NLGN4X: variants seen among roughly 807,000 people sequenced by gnomAD.
NLGN4X encodes the protein neuroligin-4, X-linked.
A neutral mutation model predicts 40.3 loss-of-function variants in NLGN4X; 3 were observed. The ratio of observed to expected loss-of-function variants is 0.07; its 90% CI spans 0.03 to 0.19. The LOEUF is 0.19. Ranked by LOEUF, NLGN4X falls within the 10% of genes least tolerant of loss-of-function variation. The pLI, the probability that NLGN4X is intolerant of heterozygous loss-of-function variation, is 1.00. For synonymous variants in NLGN4X, 270 were observed against 306.8 expected (o/e 0.88, Z 1.25); for missense variants, 382 against 708.3 (o/e 0.54, Z 5.23).
At chrX:5,997,456 T>C (rs1318595287) in intron 3 of NLGN4X, among the ~76,000 whole-genome samples, 2 of 105,187 alleles carry the variant, frequency 1.9e-5, no homozygotes, top group Non-Finnish European at 3.9e-5. Flanking sequence ...AAAAAAACAA[T>C]AGGTAGTATA....
intron 3 of NLGN4X, among the ~76,000 whole-genome samples, chrX:6,024,867 T>C (rs1461473169): frequency 9.0e-6 from 1 of 111,675 alleles, no homozygotes; most frequent in Admixed American, 9.5e-5. Context: ...GAAATAATCA[T>C]AAAAATAGCC....
chrX:6,204,552 G>A (rs1923878158), intron 1 of NLGN4X, among the ~76,000 whole-genome samples: 1 of 111,859 alleles, frequency 8.9e-6, no homozygotes. Context: ...CTCTGAACAG[G>A]AAGGAATAAA....
intron 4 of NLGN4X, 47 bp downstream of exon 4, chrX:5,909,006 TC>T (rs775926044): frequency 1.7e-6 from 2 of 1,183,716 alleles, no homozygotes; most frequent in East Asian, 5.9e-5. Flanking sequence ...ACCATTCATT[TC>T]TTGGTTCAGG....
chrX:6,128,425 C>T (rs72609526), intron 2 of NLGN4X, among the ~76,000 whole-genome samples: 9,860 of 111,654 alleles, frequency 0.088, 356 homozygotes, highest in East Asian at 0.18. Flanking sequence ...GTATATAATA[C>T]ACTCTGAATA....
At chrX:6,167,393 C>T (rs2040521949) in intron 1 of NLGN4X, among the ~76,000 whole-genome samples, 1 of 112,462 alleles carries the variant, frequency 8.9e-6, no homozygotes, top group Non-Finnish European at 1.9e-5. Context: ...AGCAACTGCA[C>T]ACATGGTCCT....
chrX:5,941,232 T>TGTG (rs2033937083), intron 3 of NLGN4X, among the ~76,000 whole-genome samples: 8 of 96,333 alleles, frequency 8.3e-5, no homozygotes, highest in Middle Eastern at 5.6e-3. Flanking sequence ...TGTGTGTGTG[T>TGTG]TGAAAGACAG....
At chrX:6,095,928 G>A (rs1013882792) in intron 2 of NLGN4X, among the ~76,000 whole-genome samples, 4 of 112,128 alleles carry the variant, frequency 3.6e-5, no homozygotes, top group African/African-American at 9.7e-5. Flanking sequence ...GTTTATAGCC[G>A]CTACATCTGA....
At chrX:6,210,343 T>A (rs1019472115) in intron 1 of NLGN4X, among the ~76,000 whole-genome samples, 5 of 109,751 alleles carry the variant, frequency 4.6e-5, no homozygotes, top group African/African-American at 1.7e-4. Context: ...ATCAGATCTG[T>A]ATCTCTGCCA....
intron 1 of NLGN4X, among the ~76,000 whole-genome samples, chrX:6,195,579 C>A (rs1451872784): frequency 8.9e-6 from 1 of 112,212 alleles, no homozygotes; most frequent in African/African-American, 3.2e-5. Context: ...TTAATATTAG[C>A]TCTTGAAATT....
At chrX:5,941,663 G>A (rs1265275028) in intron 3 of NLGN4X, among the ~76,000 whole-genome samples, 1 of 112,135 alleles carries the variant, frequency 8.9e-6, no homozygotes, top group African/African-American at 3.2e-5. Flanking sequence ...GTTGCCAAAT[G>A]GCTGATTTAT....
intron 2 of NLGN4X, among the ~76,000 whole-genome samples, chrX:6,047,755 G>A (rs1229297863): frequency 8.9e-6 from 1 of 111,773 alleles, no homozygotes; most frequent in Non-Finnish European, 1.9e-5. Flanking sequence ...GGAGGTATGT[G>A]TGCAGATTAT....
intron 3 of NLGN4X, among the ~76,000 whole-genome samples, chrX:5,917,309 A>C (rs886387031): frequency 1.8e-5 from 2 of 112,459 alleles, no homozygotes; most frequent in Non-Finnish European, 3.8e-5. Flanking sequence ...CTCAGGTAGA[A>C]CCTGGCCATC....
At chrX:6,099,193 G>A (rs1249960423) in intron 2 of NLGN4X, among the ~76,000 whole-genome samples, 1 of 111,992 alleles carries the variant, frequency 8.9e-6, no homozygotes, top group Non-Finnish European at 1.9e-5. Context: ...CTAAAGTCTA[G>A]TACCATGAAG....
chrX:6,180,735 A>T (rs1921347189), intron 1 of NLGN4X, among the ~76,000 whole-genome samples: 1 of 111,177 alleles, frequency 9.0e-6, no homozygotes, highest in African/African-American at 3.3e-5. Context: ...CTAAAAAAAA[A>T]TGTCTCAGAG....
intron 4 of NLGN4X, among the ~76,000 whole-genome samples, chrX:5,906,044 T>C (rs1408703068): frequency 8.9e-6 from 1 of 111,982 alleles, no homozygotes; most frequent in African/African-American, 3.2e-5. Context: ...AGTATAATAA[T>C]TTCCAACCTA....
Position 6,095,766 on chromosome X carries a change from TG to T in NLGN4X, c.472+55228del, listed in dbSNP as rs764278695. The stretch of plus-strand genomic sequence containing the variant: ...GGCGTTAGGTGTTAAAGACTTGGAG[TG>T]GGTAGACGCCAGGAGTGCTGCTAAA... On this transcript the variant is annotated intron_variant, in intron 2 of 5. Transcript: ENST00000381095. 5.3e-4 allele frequency among the ~76,000 whole-genome samples: 59 copies of T among 111,437 alleles called. 1 individual carries two copies. In the East Asian group the frequency reaches 5.4e-3, roughly 10 times the overall value.
chrX:6,019,086 T>C (rs1468049711), intron 3 of NLGN4X, among the ~76,000 whole-genome samples: 1 of 112,472 alleles, frequency 8.9e-6, no homozygotes. Flanking sequence ...AATTTGGTTA[T>C]AATTTAGTCC....
At chrX:6,009,178 T>C (rs2036182688) in intron 3 of NLGN4X, among the ~76,000 whole-genome samples, 1 of 112,148 alleles carries the variant, frequency 8.9e-6, no homozygotes, top group Admixed American at 9.5e-5. Context: ...TTAGCTATTG[T>C]GAATAACATG....
chrX:6,066,787 A>G (rs989433754), intron 2 of NLGN4X, among the ~76,000 whole-genome samples: 2 of 109,065 alleles, frequency 1.8e-5, no homozygotes, highest in Non-Finnish European at 3.8e-5. Context: ...TCTGTCTCAA[A>G]AAACAAACAA....
Sources: allele counts gnomAD v4.1 joint callset (sites outside exome capture counted in the v4.1 genomes callset), GRCh38; gene constraint gnomAD v4.1.1; transcripts MANE v1.5; gene names NCBI Gene and HGNC (gene_info 2026-07-23, HGNC 2026-07-21).